The following IGHMBP2 variants were observed in gnomAD, a reference collection of about 807,000 sequenced individuals.
IGHMBP2 encodes immunoglobulin mu DNA binding protein 2, also known as DNA-binding protein SMUBP-2.
A neutral mutation model predicts 96.0 loss-of-function variants in IGHMBP2; 81 were observed. The observed-to-expected ratio is 0.84, with a 90% CI of 0.71 to 1.01. IGHMBP2 has a LOEUF of 1.01. Among genes scored for constraint, IGHMBP2 ranks in the 50% least tolerant of loss-of-function variants. IGHMBP2 has a pLI of 0.00. For missense variants in IGHMBP2, 1,227 were observed against 1,306.3 expected (o/e 0.94, Z 0.94); for synonymous variants, 557 against 548.9 (o/e 1.01, Z -0.21).
intron 5 of IGHMBP2, among the ~76,000 whole-genome samples, chr11:68,912,399 C>T (rs992206740): frequency 2.0e-5 from 3 of 151,998 alleles, no homozygotes; most frequent in Non-Finnish European, 2.9e-5. Flanking sequence ...CAAAGTGCTA[C>T]GATTACAGGC....
chr11:68,936,922 G>T lies in IGHMBP2; in HGVS notation c.2442G>T (p.Gln814His). 6.2e-7 allele frequency: 1 copy of T among 1,604,440 alleles called. No individual in the cohort carries two copies. Among genetic ancestry groups the T allele is most frequent in the Non-Finnish European group, 8.5e-7 (1 of 1,175,916 alleles). ...AGCCAGTGCCCCCTACCCCTGCGCAGACAGAGCAGCCTCCCAGGGAGCAGC... is the reference window on the plus strand; with the variant it reads ...AGCCAGTGCCCCCTACCCCTGCGCATACAGAGCAGCCTCCCAGGGAGCAGC... ...PLQPVPPTPA[Q>H]TEQPPREQRG... The change falls in exon 13 of 15, where the codon CAG becomes CAT. Residue 814 changes from glutamine to histidine, a missense_variant. Transcript: ENST00000255078.
At chr11:68,919,820 T>A (rs1858812865) in intron 7 of IGHMBP2, among the ~76,000 whole-genome samples, 1 of 152,242 alleles carries the variant, frequency 6.6e-6, no homozygotes, top group Admixed American at 6.5e-5. Flanking sequence ...AATGACCTTC[T>A]TTATCCCTGA....
At chr11:68,925,890 T>C (rs1859048312) in intron 7 of IGHMBP2, among the ~76,000 whole-genome samples, 1 of 152,194 alleles carries the variant, frequency 6.6e-6, no homozygotes, top group South Asian at 2.1e-4. Flanking sequence ...GTCTTTTGAG[T>C]GTGTGATTAT....
At position 68,934,550 on chromosome 11, in the gene IGHMBP2, A is replaced by G; in HGVS notation, c.1624A>G (p.Asn542Asp). The change falls in exon 11 of 15, where the codon AAC (asparagine) becomes GAC (aspartate). Residue 542 changes from asparagine to aspartate, a missense_variant. Asn to Asp is a conservative substitution (Grantham distance 23, BLOSUM62 1). Around this residue, in one of 3 missense-constraint regions of IGHMBP2, gnomAD observed 703 missense variants for 770.3 expected, o/e 0.91. Coordinates refer to ENST00000255078, the MANE Select transcript of IGHMBP2 (RefSeq NM_002180.3). ...TGACATTGCTGTGGTCTCGCCATAC[A>G]ACCTCCAGGTACGAGGGTTTCCTTT... ...ARDIAVVSPY[N>D]LQVDLLRQSL... 1.9e-6 allele frequency: 3 copies of G among 1,610,488 alleles called. No homozygotes were observed. Among genetic ancestry groups the G allele is most frequent in the Non-Finnish European group, 2.5e-6 (3 of 1,177,828 alleles).
At chr11:68,918,927 T>G (rs1005070178) in intron 7 of IGHMBP2, among the ~76,000 whole-genome samples, 1 of 152,234 alleles carries the variant, frequency 6.6e-6, no homozygotes, top group South Asian at 2.1e-4. Flanking sequence ...CTTGTTCTTT[T>G]TCTTGCTTCT....
At chr11:68,925,997 T>C (rs868252384) in intron 7 of IGHMBP2, among the ~76,000 whole-genome samples, 58 of 144,042 alleles carry the variant, frequency 4.0e-4, no homozygotes, top group African/African-American at 1.3e-3. Context: ...TTGGGGAGTT[T>C]TCAGCCATTA....
At position 68,908,646 on chromosome 11, in the gene IGHMBP2, GTT is replaced by G; in HGVS notation, c.547+18_547+19del. The G allele has an allele frequency of 6.3e-7, 1 of 1,583,216 alleles. No homozygotes were observed. The highest frequency in any genetic ancestry group is 8.7e-7 in the Non-Finnish European group (1 of 1,152,260). ...CAGTGAAATACGTAAGAACTTCTGAGTTTTCTTTTTTGGTTGAAATCACTACT... is the reference window on the plus strand; with the variant it reads ...CAGTGAAATACGTAAGAACTTCTGAGTTCTTTTTTGGTTGAAATCACTACT... On this transcript the variant is annotated intron_variant, in intron 4 of 14. Transcript: ENST00000255078.
intron 7 of IGHMBP2, among the ~76,000 whole-genome samples, chr11:68,927,594 G>T (rs2154008145): frequency 6.6e-6 from 1 of 152,266 alleles, no homozygotes; most frequent in Non-Finnish European, 1.5e-5. Context: ...GCCCCCTGAG[G>T]ATATCTCATT....
intron 7 of IGHMBP2, among the ~76,000 whole-genome samples, chr11:68,925,054 A>G (rs944594592): frequency 1.3e-5 from 2 of 151,844 alleles, no homozygotes; most frequent in Non-Finnish European, 2.9e-5. Flanking sequence ...TGGCCCTGGG[A>G]AGCCAAAAGA....
At chr11:68,915,087 C>T in intron 6 of IGHMBP2, 64 bp downstream of exon 6, 1 of 1,287,120 alleles carries the variant, frequency 7.8e-7, no homozygotes, top group Non-Finnish European at 1.1e-6. Flanking sequence ...TTTTAAGGAG[C>T]AAATTTATCT....
intron 8 of IGHMBP2, chr11:68,929,697 G>A (rs1859200939): frequency 1.0e-6 from 1 of 979,898 alleles, no homozygotes; most frequent in Admixed American, 6.2e-5. Flanking sequence ...GCCTTGGGCT[G>A]GGCTAACTGG....
At chr11:68,931,718 G>T (rs1373995970) in intron 8 of IGHMBP2, among the ~76,000 whole-genome samples, 1 of 152,176 alleles carries the variant, frequency 6.6e-6, no homozygotes, top group Admixed American at 6.5e-5. Flanking sequence ...GAGCAGGGAG[G>T]ACAGGCGTGG....
chr11:68,930,075 C>T lies in IGHMBP2; in HGVS notation c.1235+718C>T, dbSNP rs1344233683. The stretch of plus-strand genomic sequence containing the variant: ...CTGGACCACTCCTGCCTGGGTGTGG[C>T]GGGCGTGCCCTCTCTCCAGATGAAC... On this transcript the variant is annotated intron_variant, in intron 8 of 14. Coordinates refer to ENST00000255078, the MANE Select transcript of IGHMBP2 (RefSeq NM_002180.3). The T allele has an allele frequency of 2.3e-5, 27 of 1,161,200 alleles. No homozygotes were observed. In the South Asian group the frequency reaches 2.5e-4, roughly 11 times the overall value. 71.9% of individuals were successfully genotyped at this position (1,161,200 alleles called of 1,614,324 possible).
intron 2 of IGHMBP2, 60 bp from the exon 3 acceptor site, chr11:68,908,085 C>T: frequency 2.3e-6 from 3 of 1,314,042 alleles, no homozygotes; most frequent in Non-Finnish European, 3.3e-6. Flanking sequence ...GATTTTATTA[C>T]AGAAAATGAT....
At chr11:68,919,093 T>G (rs1201791311) in intron 7 of IGHMBP2, among the ~76,000 whole-genome samples, 1 of 151,670 alleles carries the variant, frequency 6.6e-6, no homozygotes, top group Non-Finnish European at 1.5e-5. Context: ...CTCATTTGCC[T>G]TTTGGTTTTT....
At chr11:68,938,641 T>G (rs990296390) in intron 14 of IGHMBP2, among the ~76,000 whole-genome samples, 12 of 152,174 alleles carry the variant, frequency 7.9e-5, no homozygotes, top group Non-Finnish European at 1.5e-4. Flanking sequence ...TGGCCTAATC[T>G]GGTCTGTTTG....
chr11:68,934,206 A>G (rs1305795905), intron 10 of IGHMBP2: 6 of 615,888 alleles, frequency 9.7e-6, no homozygotes, highest in Non-Finnish European at 1.5e-5. Flanking sequence ...AGCTGACACC[A>G]CCATCTCCCC....
intron 8 of IGHMBP2, 99 bp from the exon 9 acceptor site, chr11:68,933,200 G>A: frequency 8.1e-7 from 1 of 1,230,672 alleles, no homozygotes. Context: ...GGGAGAGTTG[G>A]GTCCTGAGGT....
intron 2 of IGHMBP2, among the ~76,000 whole-genome samples, chr11:68,906,624 T>C (rs1227138185): frequency 2.0e-5 from 3 of 150,534 alleles, no homozygotes; most frequent in Non-Finnish European, 4.4e-5. Context: ...ATTAAAATAA[T>C]TTACCCATTT....
Sources: allele counts gnomAD v4.1 joint callset (sites outside exome capture counted in the v4.1 genomes callset), GRCh38; gene constraint gnomAD v4.1.1; regional missense constraint gnomAD v4.1.1; transcripts MANE v1.5; gene names NCBI Gene and HGNC (gene_info 2026-07-23, HGNC 2026-07-21).